The following LINGO2 variants were observed in gnomAD, a reference collection of about 807,000 sequenced individuals.
LINGO2 encodes the protein leucine-rich repeat and immunoglobulin-like domain-containing nogo receptor-interacting protein 2.
LINGO2 carries 14 observed loss-of-function variants against 30.6 expected under a neutral mutation model. The observed-to-expected ratio is 0.46, with a 90% CI of 0.30 to 0.72. The LOEUF is 0.72. Ranked by LOEUF, LINGO2 falls within the 30% of genes least tolerant of loss-of-function variation. The pLI is 0.07. For synonymous variants in LINGO2, 317 were observed against 288.5 expected (o/e 1.10, Z -1.00); for missense variants, 729 against 751.7 (o/e 0.97, Z 0.35).
chr9:28,837,509 G>A, the LINGO2 span, among the ~76,000 whole-genome samples: 1 of 150,760 alleles, frequency 6.6e-6, no homozygotes, highest in Non-Finnish European at 1.5e-5. Flanking sequence ...TAGCTGGGTG[G>A]GGTGGTGCAT....
At chr9:28,889,087 C>G in the LINGO2 span, 1 of 365,012 alleles carries the variant, frequency 2.7e-6, no homozygotes, top group Admixed American at 3.2e-5. Flanking sequence ...TCTTTTCAAA[C>G]AGTTTTGTGG....
At chr9:28,872,192 T>G in the LINGO2 span, among the ~76,000 whole-genome samples, 19 of 152,006 alleles carry the variant, frequency 1.2e-4, no homozygotes, top group African/African-American at 4.6e-4. Context: ...TGATAAAATA[T>G]CTATTGTGTT....
chr9:28,104,255 G>GTTTTTTT lies in LINGO2; in HGVS notation c.-86-91851_-86-91850insAAAAAAA, dbSNP rs1453019033. Among the ~76,000 whole-genome samples, 64 of 75,138 alleles carry GTTTTTTT rather than the reference G, an allele frequency of 8.5e-4. 5 individuals carry two copies. The highest frequency in any genetic ancestry group is 0.01 in the Middle Eastern group (1 of 100). The allele number at this position is 75,138 out of a possible 152,430, so 49.3% of individuals were successfully genotyped here. A position where few individuals can be genotyped will look rare whatever the true frequency, so the allele number is the denominator to read the frequency against. On this transcript the variant is annotated intron_variant, in intron 4 of 5. Transcript: ENST00000379992. The stretch of plus-strand genomic sequence containing the variant: ...AGGGATTTGCTTTTCCCCAGTACAA[G>GTTTTTTT]TTTTTTGTTTGTTTTTTTTTTTTTT...
chr9:28,598,843 T>C (rs530213331), intron 1 of LINGO2: 3 of 151,810 alleles, frequency 2.0e-5, no homozygotes, highest in Non-Finnish European at 4.4e-5. Flanking sequence ...GTGTAGATGA[T>C]GGAGGTATAA....
At chr9:27,946,641 C>T (rs1434911185), downstream of LINGO2, among the ~76,000 whole-genome samples, 2 of 152,034 alleles carry the variant, frequency 1.3e-5, no homozygotes, top group African/African-American at 4.8e-5. Context: ...TCTAACAGTT[C>T]ATTTTTAAAT....
chr9:29,149,222 C>G, the LINGO2 span, among the ~76,000 whole-genome samples: 1 of 152,026 alleles, frequency 6.6e-6, no homozygotes. Flanking sequence ...TAATTTTTAA[C>G]TACATTTTGG....
chr9:28,249,467 C>T (rs769971685), intron 4 of LINGO2, among the ~76,000 whole-genome samples: 27 of 151,986 alleles, frequency 1.8e-4, no homozygotes, highest in African/African-American at 5.5e-4. Context: ...TTATTGAAAA[C>T]GTAGAATAAA....
chr9:28,992,590 C>T, the LINGO2 span, among the ~76,000 whole-genome samples: 1 of 152,116 alleles, frequency 6.6e-6, no homozygotes, highest in Non-Finnish European at 1.5e-5. Context: ...CACACCTATT[C>T]CAAAACTGAC....
chr9:29,112,324 T>C, the LINGO2 span, among the ~76,000 whole-genome samples: 639 of 152,246 alleles, frequency 4.2e-3, 2 homozygotes, highest in African/African-American at 0.015. Context: ...TTTTTTGGGC[T>C]CCAGCTAAGA....
chr9:28,947,532 T>A, the LINGO2 span, among the ~76,000 whole-genome samples: 1 of 152,016 alleles, frequency 6.6e-6, no homozygotes, highest in Non-Finnish European at 1.5e-5. Flanking sequence ...AAGAACAAAT[T>A]TGAGTCTGCT....
intron 5 of LINGO2, among the ~76,000 whole-genome samples, chr9:27,996,815 C>G (rs1017175146): frequency 6.6e-6 from 1 of 152,086 alleles, no homozygotes; most frequent in Admixed American, 6.6e-5. Flanking sequence ...CCCAATTACC[C>G]TGATTTGATC....
At chr9:28,943,371 GA>G in the LINGO2 span, among the ~76,000 whole-genome samples, 18,037 of 149,532 alleles carry the variant, frequency 0.12, 1,075 homozygotes, top group South Asian at 0.16. Flanking sequence ...TGCTACAGAT[GA>G]AAAAAAAAAT....
At chr9:29,002,655 C>A in the LINGO2 span, among the ~76,000 whole-genome samples, 1 of 152,018 alleles carries the variant, frequency 6.6e-6, no homozygotes, top group Non-Finnish European at 1.5e-5. Context: ...TCTCTTCCTG[C>A]AAGTAAATTT....
Position 28,525,479 on chromosome 9 carries a change from A to G in LINGO2, c.-364-49454T>C, listed in dbSNP as rs1166012988. Among the ~76,000 whole-genome samples the G allele has an allele frequency of 2.6e-5, 4 of 152,348 alleles. No individual in the cohort carries two copies. In the East Asian group the frequency reaches 7.7e-4, roughly 29 times the overall value. On this transcript the variant is annotated intron_variant, in intron 1 of 5. Coordinates refer to ENST00000379992, the Ensembl canonical transcript of LINGO2. Reference sequence around the variant, plus strand: ...TACCTATATAATGGAATATTATGCCACAATGAAAAGGAATGAAGTAGTAAC... The same window carrying G: ...TACCTATATAATGGAATATTATGCCGCAATGAAAAGGAATGAAGTAGTAAC...
At chr9:27,947,860 T>C (rs930533524), downstream of LINGO2, among the ~76,000 whole-genome samples, 1 of 152,226 alleles carries the variant, frequency 6.6e-6, no homozygotes, top group African/African-American at 2.4e-5. Flanking sequence ...TATGGTTATT[T>C]GTAACCATTA....
rs890746246 is a variant in LINGO2 at position 28,049,628 on chromosome 9, T to C, written c.-86-37223A>G. Reference sequence around the variant, plus strand: ...TTATTATTCAAATCTTATCTAAAAATGCAAATAATTCCATTTATGTCACAA... The same window carrying C: ...TTATTATTCAAATCTTATCTAAAAACGCAAATAATTCCATTTATGTCACAA... On this transcript the variant is annotated intron_variant, in intron 4 of 5. Coordinates refer to ENST00000379992, the Ensembl canonical transcript of LINGO2. Among the ~76,000 whole-genome samples, 4 of 150,690 alleles carry C rather than the reference T, an allele frequency of 2.7e-5. 1 individual carries two copies. The highest frequency in any genetic ancestry group is 9.8e-5 in the African/African-American group (4 of 40,722).
At chr9:29,175,466 C>T in the LINGO2 span, among the ~76,000 whole-genome samples, 6 of 151,712 alleles carry the variant, frequency 4.0e-5, no homozygotes, top group Admixed American at 3.3e-4. Flanking sequence ...ATAGTGGCAT[C>T]TCACAGAGTG....
chr9:27,944,183 G>A (rs1823276476), downstream of LINGO2: 1 of 152,142 alleles, frequency 6.6e-6, no homozygotes, highest in African/African-American at 2.4e-5. Context: ...TACACATACT[G>A]TTCTCCAAAC....
intron 1 of LINGO2, among the ~76,000 whole-genome samples, chr9:28,480,965 C>T (rs117791633): frequency 0.011 from 1,656 of 152,234 alleles, 14 homozygotes; most frequent in Non-Finnish European, 0.017. Flanking sequence ...GCCTCCTTTT[C>T]ATACATCAAT....
Sources: gnomAD v4.1 joint callset for allele counts (sites outside exome capture counted in the v4.1 genomes callset) on GRCh38, gnomAD v4.1.1 for gene constraint, MANE v1.5 for transcripts, NCBI Gene and HGNC (gene_info 2026-07-23, HGNC 2026-07-21) for gene names.